Variants in ADGRB3 observed in about 807,000 individuals in gnomAD.
The protein encoded by ADGRB3 is adhesion G protein-coupled receptor B3.
A neutral mutation model predicts 193.4 loss-of-function variants in ADGRB3; 37 were observed. The observed-to-expected ratio is 0.19, with a 90% confidence interval of 0.15 to 0.25. The LOEUF is 0.25. ADGRB3 is among the 10% of genes least tolerant of loss of function. The pLI, the probability that ADGRB3 is intolerant of heterozygous loss-of-function variation, is 1.00. For synonymous variants in ADGRB3, 690 were observed against 644.2 expected, an observed-to-expected ratio of 1.07 and a Z score of -1.08; for missense variants, 1,637 against 1,852.9, an observed-to-expected ratio of 0.88 and a Z score of 2.14.
chr6:68,746,208 T>C (rs1385813187), intron 3 of ADGRB3, among the ~76,000 whole-genome samples: 1 of 151,944 alleles, frequency 6.6e-6, no homozygotes, highest in Non-Finnish European at 1.5e-5. Flanking sequence ...AATTTTAAAA[T>C]GTTTACTAAT....
chr6:68,664,711 CAG>C (rs1368681281), intron 3 of ADGRB3, among the ~76,000 whole-genome samples: 1 of 151,826 alleles, frequency 6.6e-6, no homozygotes, highest in Non-Finnish European at 1.5e-5. Flanking sequence ...GAAAGTTGTG[CAG>C]AGAGTTAAGC....
chr6:68,912,771 G>C (rs185454814), intron 3 of ADGRB3, among the ~76,000 whole-genome samples: 10 of 152,120 alleles, frequency 6.6e-5, no homozygotes, highest in African/African-American at 2.2e-4. Flanking sequence ...TGCCTCACTC[G>C]GGAAACACAA....
chr6:68,967,780 A>C (rs142185583), intron 8 of ADGRB3, among the ~76,000 whole-genome samples: 145 of 152,290 alleles, frequency 9.5e-4, no homozygotes, highest in African/African-American at 3.3e-3. Flanking sequence ...TTGGAGAAAG[A>C]TAAAGGAGAG....
At chr6:68,828,518 T>G (rs1230200993) in intron 3 of ADGRB3, among the ~76,000 whole-genome samples, 5 of 152,186 alleles carry the variant, frequency 3.3e-5, no homozygotes, top group African/African-American at 4.8e-5. Flanking sequence ...TAAAAGTGTT[T>G]AGGGTAGTGT....
At chr6:69,230,854 A>C (rs1766119791) in intron 17 of ADGRB3, among the ~76,000 whole-genome samples, 1 of 152,148 alleles carries the variant, frequency 6.6e-6, no homozygotes, top group South Asian at 2.1e-4. Flanking sequence ...TCTTCTTTTA[A>C]ATTTGGTAAA....
intron 3 of ADGRB3, among the ~76,000 whole-genome samples, chr6:68,871,202 A>G (rs1382714227): frequency 6.6e-6 from 1 of 152,228 alleles, no homozygotes; most frequent in Non-Finnish European, 1.5e-5. Context: ...GTGCAGATAG[A>G]AAAAGCATTT....
chr6:69,209,205 C>T (rs1765603578), intron 17 of ADGRB3, among the ~76,000 whole-genome samples: 1 of 152,186 alleles, frequency 6.6e-6, no homozygotes, highest in African/African-American at 2.4e-5. Context: ...GGACCTCACT[C>T]AAAACTGGCG....
At chr6:68,923,399 T>C (rs1767098835) in intron 3 of ADGRB3, among the ~76,000 whole-genome samples, 1 of 152,058 alleles carries the variant, frequency 6.6e-6, no homozygotes. Flanking sequence ...TGTACCAGAA[T>C]TACCTAAATA....
chr6:68,878,774 G>T (rs1430641479), intron 3 of ADGRB3, among the ~76,000 whole-genome samples: 7 of 152,292 alleles, frequency 4.6e-5, no homozygotes, highest in East Asian at 3.9e-4. Flanking sequence ...ATTTACAAAA[G>T]AAAGAGGTTT....
intron 3 of ADGRB3, among the ~76,000 whole-genome samples, chr6:68,786,001 G>GGTGT (rs1766960404): frequency 6.6e-6 from 1 of 151,264 alleles, no homozygotes; most frequent in Non-Finnish European, 1.5e-5. Context: ...TTTTGATGGG[G>GGTGT]TTGTTTTTTT....
intron 17 of ADGRB3, among the ~76,000 whole-genome samples, chr6:69,083,147 C>T (rs1345852794): frequency 1.3e-5 from 2 of 152,170 alleles, no homozygotes; most frequent in Non-Finnish European, 2.9e-5. Flanking sequence ...TCCATATCTC[C>T]TCATATGTAT....
At chr6:68,772,894 A>ATAT (rs1554191414) in intron 3 of ADGRB3, among the ~76,000 whole-genome samples, 99 of 22,720 alleles carry the variant, frequency 4.4e-3, no homozygotes, top group Middle Eastern at 0.023. Context: ...AAAAAAAAAA[A>ATAT]ATATATATAT....
chr6:68,852,707 T>A lies in ADGRB3; in HGVS notation c.758-77852T>A, dbSNP rs573363976. Among the ~76,000 whole-genome samples, 5 of 152,156 alleles carry A rather than the reference T, an allele frequency of 3.3e-5. No individual in the cohort carries two copies. The East Asian group carries it at 9.6e-4, about 29-fold the overall frequency. On this transcript the variant is annotated intron_variant, in intron 3 of 31. Transcript: ENST00000370598. ...GCTATATAAGCATATTCTATCTTTCTTATAAATGCTCAACATTTTTTCTTT... is the reference window on the plus strand; with the variant it reads ...GCTATATAAGCATATTCTATCTTTCATATAAATGCTCAACATTTTTTCTTT...
intron 20 of ADGRB3, among the ~76,000 whole-genome samples, chr6:69,260,594 G>A (rs905574556): frequency 6.6e-6 from 1 of 152,124 alleles, no homozygotes; most frequent in East Asian, 1.9e-4. Flanking sequence ...TTTCTTAAGA[G>A]TGAATGGAAA....
chr6:68,644,713 T>A (rs1372279467), intron 3 of ADGRB3, among the ~76,000 whole-genome samples: 1 of 152,170 alleles, frequency 6.6e-6, no homozygotes, highest in Admixed American at 6.5e-5. Flanking sequence ...CATCTTAGAA[T>A]TTCACCAATT....
intron 3 of ADGRB3, among the ~76,000 whole-genome samples, chr6:68,842,289 TA>T (rs1455182226): frequency 6.6e-6 from 1 of 151,290 alleles, no homozygotes; most frequent in Non-Finnish European, 1.5e-5. Context: ...CCAGGCTAAC[TA>T]AAAAAAATCC....
intron 14 of ADGRB3, 48 bp downstream of exon 14, chr6:69,048,382 G>T (rs746260387): frequency 2.8e-5 from 44 of 1,545,188 alleles, no homozygotes; most frequent in East Asian, 2.0e-4. Flanking sequence ...TTTTGATAAG[G>T]TCATTTAATT....
intron 20 of ADGRB3, among the ~76,000 whole-genome samples, chr6:69,311,528 G>A (rs1378456392): frequency 6.6e-6 from 1 of 151,646 alleles, no homozygotes; most frequent in Admixed American, 6.6e-5. Flanking sequence ...TTTCCAGTCT[G>A]CTCACAGGTA....
chr6:69,095,591 C>T (rs1328752409), intron 17 of ADGRB3, among the ~76,000 whole-genome samples: 1 of 152,140 alleles, frequency 6.6e-6, no homozygotes. Flanking sequence ...TAAGATTTTT[C>T]CGTTTATCAC....
Sources: gnomAD v4.1 joint callset for allele counts (sites outside exome capture counted in the v4.1 genomes callset) on GRCh38, gnomAD v4.1.1 for gene constraint, MANE v1.5 for transcripts, NCBI Gene and HGNC (gene_info 2026-07-23, HGNC 2026-07-21) for gene names.